The following TMEM41B variants were observed in gnomAD, a reference collection of about 807,000 sequenced individuals.
The protein encoded by TMEM41B is protein stasimon.
Under a neutral mutation model 31.9 loss-of-function variants are expected in TMEM41B, and 18 were observed. The observed-to-expected ratio is 0.56, with a 90% CI of 0.39 to 0.84. The LOEUF (loss-of-function observed/expected upper bound fraction) is 0.84. Among genes scored for constraint, TMEM41B ranks in the 40% least tolerant of loss-of-function variants. The probability of loss-of-function intolerance (pLI) is 0.00; values close to 1 mark genes in which losing one functional copy is unlikely to be tolerated. For synonymous variants in TMEM41B, 144 were observed against 124.3 expected (o/e 1.16, Z -1.05); for missense variants, 322 against 348.0 (o/e 0.93, Z 0.59).
intron 1 of TMEM41B, among the ~76,000 whole-genome samples, chr11:9,300,734 T>C (rs537597559): frequency 5.9e-5 from 9 of 151,756 alleles, no homozygotes; most frequent in African/African-American, 2.2e-4. Context: ...AAAAATTAGC[T>C]GGGCATGGTG....
intron 1 of TMEM41B, among the ~76,000 whole-genome samples, chr11:9,301,542 G>C (rs570017429): frequency 3.9e-5 from 6 of 152,130 alleles, no homozygotes; most frequent in African/African-American, 1.4e-4. Flanking sequence ...ATGTGTATTA[G>C]ACAGCTGTCA....
intron 1 of TMEM41B, among the ~76,000 whole-genome samples, chr11:9,310,130 GGTTCAA>G (rs1024019565): frequency 6.6e-6 from 1 of 150,686 alleles, no homozygotes; most frequent in Non-Finnish European, 1.5e-5. Context: ...CCACCTCCTG[GGTTCAA>G]GTGATTCTCC....
rs531484134 is a variant in TMEM41B, at chr11:9,314,057, T to C, written c.121+264A>G. 3.9e-5 allele frequency among the ~76,000 whole-genome samples: 6 copies of C among 152,270 alleles called. No individual in the cohort carries two copies. The East Asian group carries it at 9.7e-4, about 24-fold the overall frequency. On this transcript the variant is annotated intron_variant, in intron 1 of 6. Coordinates refer to ENST00000528080, the MANE Select transcript of TMEM41B (RefSeq NM_015012.4). The stretch of plus-strand genomic sequence containing the variant: ...AGCGTCGTTATCATCAACCTTACAA[T>C]CTACCTGAGCGTCAACAAGCCAGTG...
chr11:9,282,979 T>G lies in TMEM41B; in HGVS notation c.*445A>C, dbSNP rs1852755899. ...AAAAAAAAGAGGAAGAAAATGTAAA[T>G]CTCTTTTTAAGTTTTCCAGTTTATG... On this transcript the variant is annotated 3_prime_UTR_variant, in exon 7 of 7. Coordinates refer to ENST00000528080, the MANE Select transcript of TMEM41B (RefSeq NM_015012.4). 6.9e-6 allele frequency: 1 copy of G among 145,490 alleles called. No individual in the cohort carries two copies. Among genetic ancestry groups the G allele is most frequent in the East Asian group, 2.0e-4 (1 of 4,988 alleles). The allele number at this position is 145,490 out of a possible 1,614,324, so 9.0% of individuals were successfully genotyped here. A position where few individuals can be genotyped will look rare whatever the true frequency, so the allele number is the denominator to read the frequency against.
rs754860872 is a variant in TMEM41B, at chr11:9,283,562, C to T, written c.738G>A (p.Lys246=). 3.1e-6 allele frequency: 5 copies of T among 1,607,794 alleles called. No individual in the cohort carries two copies. The South Asian group carries it at 4.5e-5, about 14-fold the overall frequency. The change falls in exon 7 of 7, where the codon AAG becomes AAA. Residue 246 remains lysine, a synonymous_variant. Transcript: ENST00000528080. ...TAAGTTGATACAGTGTTGTTCCTGC[C>T]TTAATGGCTACAAAAGAAGGAGGTG... ...GVAPPSFVAI[K]AGTTLYQLTT...
chr11:9,308,299 C>T (rs373332415), intron 1 of TMEM41B, among the ~76,000 whole-genome samples: 5 of 152,124 alleles, frequency 3.3e-5, no homozygotes, highest in Admixed American at 2.0e-4. Context: ...GCTGAGATCA[C>T]GCCACTGCAC....
At chr11:9,305,081 A>T (rs1853353292) in intron 1 of TMEM41B, among the ~76,000 whole-genome samples, 1 of 152,200 alleles carries the variant, frequency 6.6e-6, no homozygotes, top group Non-Finnish European at 1.5e-5. Flanking sequence ...TATGAGCCAT[A>T]GAACCGGGCT....
intron 1 of TMEM41B, among the ~76,000 whole-genome samples, chr11:9,313,952 T>C (rs1250355047): frequency 2.6e-5 from 4 of 152,168 alleles, no homozygotes; most frequent in Non-Finnish European, 5.9e-5. Context: ...ATAAGTCATA[T>C]ACCCACACTG....
chr11:9,311,492 T>C, intron 1 of TMEM41B: 10 of 1,415,762 alleles, frequency 7.1e-6, no homozygotes, highest in Non-Finnish European at 9.8e-6. Flanking sequence ...CTGGATACCC[T>C]GGCTGTGGCA....
intron 3 of TMEM41B, among the ~76,000 whole-genome samples, chr11:9,290,876 T>TAAAG (rs1350497603): frequency 2.0e-5 from 3 of 152,136 alleles, no homozygotes; most frequent in Non-Finnish European, 4.4e-5. Flanking sequence ...CCCAATACTT[T>TAAAG]AGGCAGCTGA....
intron 2 of TMEM41B, among the ~76,000 whole-genome samples, chr11:9,297,019 T>A (rs1438651392): frequency 6.6e-6 from 1 of 152,130 alleles, no homozygotes; most frequent in East Asian, 1.9e-4. Flanking sequence ...ATCTCCTAGG[T>A]TCAAGTGATC....
At position 9,295,375 on chromosome 11, in the gene TMEM41B, C is replaced by T. The variant is rs1853060652; in HGVS notation, c.252G>A (p.Val84=). ...CCATATCTCTGGGAACCTTCATATT[C>T]ACTCTTTCTTCTCTGAAGAAATAAA... The part of the protein sequence containing the change: ...NFPQLSEEER[V]NMKVPRDMDD... The change falls in exon 3 of 7, where the codon GTG becomes GTA. Residue 84 remains valine (V), a synonymous_variant. Coordinates refer to ENST00000528080, the MANE Select transcript of TMEM41B (RefSeq NM_015012.4). The T allele has an allele frequency of 1.9e-6, 3 of 1,580,194 alleles. No individual in the cohort carries two copies. The highest frequency in any genetic ancestry group is 2.7e-5 in the African/African-American group (2 of 73,408).
In TMEM41B at chr11:9,287,712, C is replaced by A. The variant is rs1852866477; in HGVS notation, c.557G>T (p.Trp186Leu). ...YKYLTEKAVK[W>L]SQQVERHREH... ...AAAATACATGTTTACCTGCTGTGAC[C>A]ATTTTACTGCTTTCTCTGTTAGGTA... The change falls in exon 5 of 7, where the codon TGG becomes TTG. Residue 186 changes from tryptophan (W) to leucine (L), a missense_variant. This residue lies in a region of TMEM41B where 47 missense variants were observed against 84.8 expected (regional missense o/e 0.55). Transcript: ENST00000528080. The A allele has an allele frequency of 6.2e-7, 1 of 1,608,112 alleles. No homozygotes were observed. Among genetic ancestry groups the A allele is most frequent in the Non-Finnish European group, 8.5e-7 (1 of 1,177,144 alleles).
intron 1 of TMEM41B, among the ~76,000 whole-genome samples, chr11:9,307,923 T>G (rs541104050): frequency 6.6e-6 from 1 of 152,114 alleles, no homozygotes; most frequent in East Asian, 2.0e-4. Context: ...TAATTTTTTG[T>G]ATTTTTAGTA....
At chr11:9,312,624 G>A (rs1215389214) in intron 1 of TMEM41B, among the ~76,000 whole-genome samples, 2 of 152,170 alleles carry the variant, frequency 1.3e-5, no homozygotes, top group South Asian at 4.1e-4. Flanking sequence ...AATAATTGTA[G>A]GCCAGGCGTG....
rs558772829 is a variant in TMEM41B at position 9,314,588 on chromosome 11, T to A, written c.-147A>T. The A allele has an allele frequency of 2.2e-3, 2,525 of 1,133,778 alleles. 3 individuals are homozygous for A. The highest frequency in any genetic ancestry group is 2.3e-3 in the Non-Finnish European group (1,926 of 829,812). 70.2% of individuals were successfully genotyped at this position (1,133,778 alleles called of 1,614,324 possible). Reference sequence around the variant, plus strand: ...CCCGAGACGACCTCAGCCCAGCGAGTACTGCAACCTCCTGCAAACACCCGC... The same window carrying A: ...CCCGAGACGACCTCAGCCCAGCGAGAACTGCAACCTCCTGCAAACACCCGC... On this transcript the variant is annotated 5_prime_UTR_variant, in exon 1 of 7. Coordinates refer to ENST00000528080, the MANE Select transcript of TMEM41B (RefSeq NM_015012.4).
intron 2 of TMEM41B, among the ~76,000 whole-genome samples, chr11:9,297,480 T>G (rs980533078): frequency 6.6e-6 from 1 of 151,830 alleles, no homozygotes; most frequent in African/African-American, 2.4e-5. Flanking sequence ...GATCACGAGG[T>G]CAGGAGTTCA....
chr11:9,287,465 AAGAT>A (rs1395482773), intron 5 of TMEM41B, among the ~76,000 whole-genome samples: 1 of 152,222 alleles, frequency 6.6e-6, no homozygotes, highest in African/African-American at 2.4e-5. Flanking sequence ...TAAATTTACT[AAGAT>A]AAAGAATTAA....
chr11:9,295,115 C>T, intron 3 of TMEM41B, 144 bp downstream of exon 3: 2 of 1,041,880 alleles, frequency 1.9e-6, no homozygotes, highest in South Asian at 3.1e-5. Context: ...TAATTTTTTT[C>T]CATTTTAATT....
Sources: gnomAD v4.1 joint callset for allele counts (sites outside exome capture counted in the v4.1 genomes callset) on GRCh38, gnomAD v4.1.1 for gene constraint, gnomAD v4.1.1 regional missense constraint, MANE v1.5 for transcripts, NCBI Gene and HGNC (gene_info 2026-07-23, HGNC 2026-07-21) for gene names.